Variants in CFAP418 observed in about 807,000 individuals in gnomAD.
The protein encoded by CFAP418 is cilia and flagella associated protein 418, also known as cilia- and flagella-associated protein 418.
In CFAP418, 27 loss-of-function variants were observed where a neutral mutation model predicts 24.7. The ratio of observed to expected loss-of-function variants is 1.09; its 90% CI spans 0.81 to 1.51. The LOEUF (loss-of-function observed/expected upper bound fraction) is 1.51. Among genes scored for constraint, CFAP418 ranks in the 40% most tolerant of loss-of-function variants. CFAP418 has a pLI of 0.00. For missense variants in CFAP418, 257 were observed against 255.2 expected (o/e 1.01, Z -0.05); for synonymous variants, 74 against 87.3 (o/e 0.85, Z 0.85).
intron 5 of CFAP418, among the ~76,000 whole-genome samples, chr8:95,250,449 G>C (rs1175330609): frequency 6.6e-6 from 1 of 152,138 alleles, no homozygotes; most frequent in Admixed American, 6.5e-5. Context: ...GTACCGACTA[G>C]GTTATCCATA....
In CFAP418 at chr8:95,260,531, TTCTG is replaced by T; in HGVS notation, c.244-3_244del. 6.3e-7 allele frequency: 1 copy of T among 1,579,152 alleles called. No individual in the cohort carries two copies. The highest frequency in any genetic ancestry group is 1.2e-5 in the South Asian group (1 of 84,434). On this transcript the variant is annotated splice_acceptor_variant and splice_polypyrimidine_tract_variant and coding_sequence_variant and intron_variant, in exon 3 of 6. Coordinates refer to ENST00000286688, the MANE Select transcript of CFAP418 (RefSeq NM_177965.4). LOFTEE classifies it high-confidence loss of function. ...GTTACCTGAAGATTTAGATTTTAATTTCTGTTAAAAAAGCAAAACAATAAAAGGC... is the reference window on the plus strand; with the variant it reads ...GTTACCTGAAGATTTAGATTTTAATTTTAAAAAAGCAAAACAATAAAAGGC...
intron 4 of CFAP418, among the ~76,000 whole-genome samples, chr8:95,256,518 A>C (rs1483635622): frequency 6.6e-6 from 1 of 152,234 alleles, no homozygotes; most frequent in Non-Finnish European, 1.5e-5. Flanking sequence ...TTTAGAAGAT[A>C]ACATCCCTTC....
In CFAP418 at chr8:95,259,859, C is replaced by G; in HGVS notation, c.355G>C (p.Gly119Arg). The change falls in exon 4 of 6, where the codon GGA becomes CGA. Residue 119 changes from glycine (G) to arginine (R), a missense_variant. Coordinates refer to ENST00000286688, the MANE Select transcript of CFAP418 (RefSeq NM_177965.4). ...LGGSSIPCGI[G>R]TNISWRACDH... ...ACCTACCTCCATGAAATATTTGTTC[C>G]AATCCCACATGGAATAGAGCTTCCA... 1 of 1,609,252 alleles carries G rather than the reference C, an allele frequency of 6.2e-7. No individual in the cohort carries two copies. Among genetic ancestry groups the G allele is most frequent in the Non-Finnish European group, 8.5e-7 (1 of 1,178,592 alleles).
At chr8:95,260,680 A>G (rs1811873137) in intron 2 of CFAP418, 148 bp from the exon 3 acceptor site, 4 of 540,518 alleles carry the variant, frequency 7.4e-6, no homozygotes, top group Admixed American at 8.3e-5. Flanking sequence ...AATAAAAACA[A>G]TGATCAAAAC....
intron 3 of CFAP418, 52 bp downstream of exon 3, chr8:95,260,416 C>A: frequency 7.9e-7 from 1 of 1,271,948 alleles, no homozygotes; most frequent in South Asian, 1.3e-5. Context: ...AGACTATGCT[C>A]ATAGTGTTTG....
chr8:95,248,132 G>C lies in CFAP418; in HGVS notation c.471-362C>G, dbSNP rs554168417. Among the ~76,000 whole-genome samples, 5 of 152,230 alleles carry C rather than the reference G, an allele frequency of 3.3e-5. No individual in the cohort carries two copies. In the South Asian group the frequency reaches 1.0e-3, roughly 32 times the overall value. ...GCTGAGATTGCAGGCATGAACCATG[G>C]TGCCCAGCCTATTTTCTTATCTTCC... On this transcript the variant is annotated intron_variant, in intron 5 of 5. Coordinates refer to ENST00000286688, the MANE Select transcript of CFAP418 (RefSeq NM_177965.4).
rs772602519 is a variant in CFAP418, at chr8:95,247,612, C to T, written c.*5G>A. 3 of 1,613,988 alleles carry T rather than the reference C, an allele frequency of 1.9e-6. No homozygotes were observed. The East Asian group carries it at 6.7e-5, about 36-fold the overall frequency. The stretch of plus-strand genomic sequence containing the variant: ...TGCATCTGTCCGAATGTGCAGTCTG[C>T]ATTCTTAATGTTTACCACAAACCCA... On this transcript the variant is annotated 3_prime_UTR_variant, in exon 6 of 6. Coordinates refer to ENST00000286688, the MANE Select transcript of CFAP418 (RefSeq NM_177965.4).
intron 2 of CFAP418, among the ~76,000 whole-genome samples, 188 bp from the exon 3 acceptor site, chr8:95,260,720 C>T (rs1811873808): frequency 1.3e-5 from 2 of 151,978 alleles, no homozygotes; most frequent in Non-Finnish European, 2.9e-5. Context: ...AGTAGAACTC[C>T]CTAAGGAATG....
At chr8:95,265,407 C>G (rs1274015810) in intron 1 of CFAP418, among the ~76,000 whole-genome samples, 3 of 152,094 alleles carry the variant, frequency 2.0e-5, no homozygotes, top group Non-Finnish European at 4.4e-5. Context: ...CTACTTCTGG[C>G]CTCTAATCCC....
At chr8:95,247,799 T>A in intron 5 of CFAP418, 29 bp from the exon 6 acceptor site, 3 of 1,573,026 alleles carry the variant, frequency 1.9e-6, no homozygotes, top group Non-Finnish European at 2.6e-6. Context: ...AGTTTTAGCA[T>A]AGTGGCTTTG....
chr8:95,248,822 G>A (rs994600506), intron 5 of CFAP418, among the ~76,000 whole-genome samples: 1 of 152,094 alleles, frequency 6.6e-6, no homozygotes, highest in Non-Finnish European at 1.5e-5. Context: ...AAAGAGATAC[G>A]GTACCTAACC....
intron 4 of CFAP418, among the ~76,000 whole-genome samples, chr8:95,257,950 G>A (rs1048925046): frequency 1.3e-5 from 2 of 152,116 alleles, no homozygotes; most frequent in East Asian, 1.9e-4. Context: ...AGCCCCATGC[G>A]TGTTGTACCC....
intron 4 of CFAP418, among the ~76,000 whole-genome samples, chr8:95,253,090 A>ACC: frequency 6.6e-6 from 1 of 152,092 alleles, no homozygotes; most frequent in Non-Finnish European, 1.5e-5. Context: ...CGGGCGGATC[A>ACC]CGAGGTCAGG....
chr8:95,257,126 ACTG>A lies in CFAP418; in HGVS notation c.374+2711_374+2713del, dbSNP rs541329870. ...GATGTAAGTGGATGATAACTGGGAA[ACTG>A]CTGCTGTGGCTCATGGGTGACTTGA... On this transcript the variant is annotated intron_variant, in intron 4 of 5. Transcript: ENST00000286688. Among the ~76,000 whole-genome samples the A allele has an allele frequency of 1.1e-4, 16 of 152,296 alleles. No homozygotes were observed. In the South Asian group the frequency reaches 3.3e-3, roughly 32 times the overall value.
intron 5 of CFAP418, among the ~76,000 whole-genome samples, chr8:95,251,206 T>C (rs538655169): frequency 2.0e-5 from 3 of 152,334 alleles, no homozygotes; most frequent in Non-Finnish European, 2.9e-5. Context: ...TATTACAGTA[T>C]ATAATAGGTC....
chr8:95,258,515 A>C (rs577186437), intron 4 of CFAP418, among the ~76,000 whole-genome samples: 5 of 152,144 alleles, frequency 3.3e-5, no homozygotes, highest in African/African-American at 1.2e-4. Flanking sequence ...AAGAATCAAA[A>C]GTTAAAAAAA....
At chr8:95,265,110 A>G (rs1811955434) in intron 1 of CFAP418, among the ~76,000 whole-genome samples, 1 of 152,144 alleles carries the variant, frequency 6.6e-6, no homozygotes. Flanking sequence ...ATTTTGGGTC[A>G]GATAATTCTC....
Position 95,245,339 on chromosome 8 carries a change from A to G in CFAP418, c.*2278T>C, listed in dbSNP as rs187795112. ...CCAATAAACATGGGAACTCACACAT[A>G]CATTTCTGACATTGGGGGATTATTA... is the stretch of plus-strand genomic sequence containing the variant. On this transcript the variant is annotated 3_prime_UTR_variant, in exon 6 of 6. Transcript: ENST00000286688. 6.6e-6 allele frequency: 1 copy of G among 152,348 alleles called. No individual in the cohort carries two copies. Among genetic ancestry groups the G allele is most frequent in the Admixed American group, 6.5e-5 (1 of 15,294 alleles). The allele number at this position is 152,348 out of a possible 1,614,324, so 9.4% of individuals were successfully genotyped here.
chr8:95,263,895 T>C, intron 1 of CFAP418, 121 bp from the exon 2 acceptor site: 1 of 595,032 alleles, frequency 1.7e-6, no homozygotes, highest in South Asian at 2.1e-5. Context: ...TAAAAGTGAT[T>C]TTAATTTTTT....
Sources: allele counts gnomAD v4.1 joint callset (sites outside exome capture counted in the v4.1 genomes callset), GRCh38; gene constraint gnomAD v4.1.1; transcripts MANE v1.5; gene names NCBI Gene and HGNC (gene_info 2026-07-23, HGNC 2026-07-21).